The following MSL2 variants were observed in gnomAD, a reference collection of about 807,000 sequenced individuals.
MSL2 encodes the protein E3 ubiquitin-protein ligase MSL2.
MSL2 carries 2 observed loss-of-function variants against 35.8 expected under a neutral mutation model. The ratio of observed to expected loss-of-function variants is 0.06; its 90% CI spans 0.02 to 0.18. MSL2 has a LOEUF of 0.18. Ranked by LOEUF, MSL2 falls within the 10% of genes least tolerant of loss-of-function variation. The pLI is 1.00. For synonymous variants in MSL2, 296 were observed against 255.7 expected, an observed-to-expected ratio of 1.16 and a Z score of -1.50; for missense variants, 523 against 706.7, an observed-to-expected ratio of 0.74 and a Z score of 2.95.
chr3:136,195,546 C>G lies in MSL2; in HGVS notation c.-433G>C. The G allele has an allele frequency of 1.0e-6, 1 of 999,958 alleles. No individual in the cohort carries two copies. The highest frequency in any genetic ancestry group is 1.2e-6 in the Non-Finnish European group (1 of 839,506). 61.9% of individuals were successfully genotyped at this position (999,958 alleles called of 1,614,324 possible). Reference sequence around the variant, plus strand: ...GAGCAGGCCCCGGCCCCGTCTGAGGCGCGGCACGCTTCTCCCGGGCTGCAG... The same window carrying G: ...GAGCAGGCCCCGGCCCCGTCTGAGGGGCGGCACGCTTCTCCCGGGCTGCAG... On this transcript the variant is annotated 5_prime_UTR_variant, in exon 1 of 2. Transcript: ENST00000309993.
chr3:136,154,224 A>T (rs1052188661), intron 1 of MSL2, among the ~76,000 whole-genome samples: 2 of 152,208 alleles, frequency 1.3e-5, no homozygotes, highest in Non-Finnish European at 2.9e-5. Flanking sequence ...TAAACTTATT[A>T]AAGAAAACAA....
chr3:136,160,938 T>C (rs1939692468), intron 1 of MSL2, among the ~76,000 whole-genome samples: 1 of 151,228 alleles, frequency 6.6e-6, no homozygotes, highest in Non-Finnish European at 1.5e-5. Context: ...ATACAAAAAA[T>C]TAGCCAGGCA....
intron 1 of MSL2, among the ~76,000 whole-genome samples, chr3:136,192,543 A>T (rs1940719898): frequency 6.6e-6 from 1 of 152,144 alleles, no homozygotes; most frequent in South Asian, 2.1e-4. Context: ...CTTTAGAAAA[A>T]AGTAGTGTTT....
intron 1 of MSL2, among the ~76,000 whole-genome samples, chr3:136,153,457 T>C (rs1939430438): frequency 6.6e-6 from 1 of 152,140 alleles, no homozygotes; most frequent in Admixed American, 6.5e-5. Context: ...TTTTAATGCA[T>C]ATATACTAAT....
chr3:136,166,216 T>G (rs1182418010), intron 1 of MSL2, among the ~76,000 whole-genome samples: 3 of 151,834 alleles, frequency 2.0e-5, no homozygotes. Context: ...TGGTCCAGGC[T>G]GTCTCTACTA....
At chr3:136,183,382 G>A (rs2108089086) in intron 1 of MSL2, among the ~76,000 whole-genome samples, 1 of 152,286 alleles carries the variant, frequency 6.6e-6, no homozygotes, top group East Asian at 1.9e-4. Flanking sequence ...GAAACACAGG[G>A]AGGCCCCACC....
intron 1 of MSL2, among the ~76,000 whole-genome samples, chr3:136,188,697 GCC>G (rs1940592321): frequency 7.1e-6 from 1 of 140,528 alleles, no homozygotes. Flanking sequence ...CTGCACTCCA[GCC>G]TGGGGAAGAG....
In MSL2 at chr3:136,162,351, C is replaced by T. The variant is rs369172926; in HGVS notation, c.143-9613G>A. On this transcript the variant is annotated intron_variant, in intron 1 of 1. Transcript: ENST00000309993. ...TAATCCCAGCAGTTTGAGAGGCCAGCGTAGGCAGATCACTTATCTCAGGAG... is the reference window on the plus strand; with the variant it reads ...TAATCCCAGCAGTTTGAGAGGCCAGTGTAGGCAGATCACTTATCTCAGGAG... 5.0e-4 allele frequency among the ~76,000 whole-genome samples: 75 copies of T among 151,066 alleles called. No homozygotes were observed. The South Asian group carries it at 0.014, about 27-fold the overall frequency.
chr3:136,159,358 T>C lies in MSL2; in HGVS notation c.143-6620A>G, dbSNP rs1395873521. ...ATGGGGAAAGGAGAGTACTTTCTTTTTTTTTTTTTTTTTTTTTTTTTTTGA... is the reference window on the plus strand; with the variant it reads ...ATGGGGAAAGGAGAGTACTTTCTTTCTTTTTTTTTTTTTTTTTTTTTTTGA... On this transcript the variant is annotated intron_variant, in intron 1 of 1. Coordinates refer to ENST00000309993, the MANE Select transcript of MSL2 (RefSeq NM_018133.4). 2.4e-5 allele frequency among the ~76,000 whole-genome samples: 3 copies of C among 123,556 alleles called. No individual in the cohort carries two copies. In the East Asian group the frequency reaches 6.5e-4, roughly 27 times the overall value. 81.1% of individuals were successfully genotyped at this position (123,556 alleles called of 152,430 possible).
intron 1 of MSL2, among the ~76,000 whole-genome samples, chr3:136,189,735 A>G (rs889779176): frequency 4.6e-5 from 7 of 151,246 alleles, no homozygotes; most frequent in African/African-American, 1.7e-4. Context: ...AAAAAAAAAA[A>G]AAAAGAATTC....
chr3:136,190,815 G>A (rs1244315148), intron 1 of MSL2, among the ~76,000 whole-genome samples: 2 of 152,174 alleles, frequency 1.3e-5, no homozygotes, highest in Admixed American at 1.3e-4. Flanking sequence ...TAGAACATGA[G>A]CGAGAAATCG....
intron 1 of MSL2, among the ~76,000 whole-genome samples, chr3:136,172,837 T>C (rs545291135): frequency 6.6e-6 from 1 of 152,226 alleles, no homozygotes; most frequent in South Asian, 2.1e-4. Context: ...TTTTCCCCTT[T>C]TGAAACAGAC....
At position 136,151,925 on chromosome 3, in the gene MSL2, G is replaced by T. The variant is rs779950810; in HGVS notation, c.956C>A (p.Thr319Asn). ...QSLSHNVFMS[T>N]SPALHGLSCT... ...TGATAACCCATGAAGTGCAGGACTG[G>T]TGGACATAAAAACATTATGGCTAAG... The change falls in exon 2 of 2, where the codon ACC (threonine) becomes AAC (asparagine). Residue 319 changes from threonine to asparagine, a missense_variant. Physicochemically the swap from Thr to Asn is moderately conservative, Grantham distance 65. Coordinates refer to ENST00000309993, the MANE Select transcript of MSL2 (RefSeq NM_018133.4). The surrounding 1 kb of genome is among the most constrained non-coding windows in gnomAD (Gnocchi z 5.2). The T allele has an allele frequency of 4.2e-5, 67 of 1,612,346 alleles. No homozygotes were observed. Among genetic ancestry groups the T allele is most frequent in the Non-Finnish European group, 5.3e-5 (62 of 1,178,712 alleles).
intron 1 of MSL2, among the ~76,000 whole-genome samples, chr3:136,193,583 T>TA (rs202019369): frequency 0.052 from 7,583 of 144,624 alleles, 211 homozygotes; most frequent in East Asian, 0.13. Context: ...GTGAGGACAT[T>TA]AAAAAAAAAA....
chr3:136,192,338 C>G (rs1290650472), intron 1 of MSL2, among the ~76,000 whole-genome samples: 1 of 151,978 alleles, frequency 6.6e-6, no homozygotes, highest in Non-Finnish European at 1.5e-5. Flanking sequence ...GCCACCACAC[C>G]CAGCTAATTT....
intron 1 of MSL2, among the ~76,000 whole-genome samples, chr3:136,179,650 A>G (rs1199887299): frequency 6.6e-6 from 1 of 152,248 alleles, no homozygotes; most frequent in Non-Finnish European, 1.5e-5. Context: ...TTTGAAGGAA[A>G]AAAAACTACT....
intron 1 of MSL2, among the ~76,000 whole-genome samples, chr3:136,156,668 T>C (rs2108062655): frequency 6.6e-6 from 1 of 152,202 alleles, no homozygotes; most frequent in African/African-American, 2.4e-5. Flanking sequence ...ATTGAGACCA[T>C]CCTGGCTAAC....
intron 1 of MSL2, among the ~76,000 whole-genome samples, chr3:136,162,908 T>A (rs922988892): frequency 7.2e-5 from 11 of 152,054 alleles, no homozygotes; most frequent in African/African-American, 2.7e-4. Flanking sequence ...TGATAATAAT[T>A]ACAAAAGTGT....
At chr3:136,193,598 C>T (rs1371512709) in intron 1 of MSL2, among the ~76,000 whole-genome samples, 1 of 151,174 alleles carries the variant, frequency 6.6e-6, no homozygotes, top group African/African-American at 2.4e-5. Context: ...AAAAAAAGCA[C>T]TCCATAAAAG....
Sources: allele counts gnomAD v4.1 joint callset (sites outside exome capture counted in the v4.1 genomes callset), GRCh38; gene constraint gnomAD v4.1.1; non-coding constraint Gnocchi (gnomAD v3.1); transcripts MANE v1.5; gene names NCBI Gene and HGNC (gene_info 2026-07-23, HGNC 2026-07-21).